The following LOC112694756 variants were observed in gnomAD, a reference collection of about 807,000 sequenced individuals.
chr16:30,069,702 T>G, the LOC112694756 span: 1 of 1,612,862 alleles, frequency 6.2e-7, no homozygotes, highest in Non-Finnish European at 8.5e-7. Context: ...TTGATCTCTA[T>G]GCAGTAGATA....
chr16:30,057,476 C>A, the LOC112694756 span, among the ~76,000 whole-genome samples: 1 of 152,112 alleles, frequency 6.6e-6, no homozygotes, highest in East Asian at 1.9e-4. Flanking sequence ...TAAATGTAAT[C>A]GACCACCGTC....
chr16:30,070,268 T>G, the LOC112694756 span: 1 of 1,564,742 alleles, frequency 6.4e-7, no homozygotes, highest in Non-Finnish European at 8.8e-7. Flanking sequence ...CTCCCACTCT[T>G]GAAGAGGAGG....
the LOC112694756 span, among the ~76,000 whole-genome samples, chr16:30,058,764 G>A: frequency 6.6e-6 from 1 of 152,152 alleles, no homozygotes. Flanking sequence ...TTACAGGCGT[G>A]AGCCACCACG....
the LOC112694756 span, chr16:30,066,961 T>C: frequency 9.7e-6 from 15 of 1,552,066 alleles, no homozygotes; most frequent in African/African-American, 1.8e-4. Context: ...GGCTATGGCC[T>C]TTTCCTTTCC....
the LOC112694756 span, among the ~76,000 whole-genome samples, chr16:30,066,471 T>TC: frequency 1.1e-4 from 16 of 152,246 alleles, no homozygotes; most frequent in Non-Finnish European, 2.4e-4. Context: ...CGCTTGCTCC[T>TC]CCACGTTCTT....
chr16:30,063,571 C>T, the LOC112694756 span, among the ~76,000 whole-genome samples: 1 of 152,200 alleles, frequency 6.6e-6, no homozygotes, highest in South Asian at 2.1e-4. Context: ...GATTTTTCAA[C>T]AGCACAGGGA....
At chr16:30,059,079 G>C in the LOC112694756 span, 1 of 398,430 alleles carries the variant, frequency 2.5e-6, no homozygotes. Context: ...GGAAAGCCAG[G>C]CATCTAGGCC....
At chr16:30,062,755 C>A in the LOC112694756 span, among the ~76,000 whole-genome samples, 2 of 151,630 alleles carry the variant, frequency 1.3e-5, no homozygotes, top group Non-Finnish European at 2.9e-5. Flanking sequence ...GCAGGAGAAC[C>A]GCTTGAATCC....
At chr16:30,069,203 C>T in the LOC112694756 span, 2 of 1,427,924 alleles carry the variant, frequency 1.4e-6, no homozygotes, top group Non-Finnish European at 9.8e-7. Flanking sequence ...AAGCCTGAGT[C>T]CCTGGCATCA....
the LOC112694756 span, among the ~76,000 whole-genome samples, chr16:30,058,397 G>A: frequency 1.3e-5 from 2 of 152,200 alleles, no homozygotes; most frequent in East Asian, 3.8e-4. Flanking sequence ...GAGGTTATAT[G>A]GCTGGATCAG....
the LOC112694756 span, chr16:30,055,290 A>T: frequency 2.5e-6 from 1 of 399,124 alleles, no homozygotes; most frequent in East Asian, 3.6e-5. Flanking sequence ...AGCCCGGCCC[A>T]CTTCCTGGAT....
the LOC112694756 span, chr16:30,070,275 GAGGCCGCCTC>G: frequency 6.5e-7 from 1 of 1,541,244 alleles, no homozygotes; most frequent in Non-Finnish European, 9.0e-7. Flanking sequence ...TCTTGAAGAG[GAGGCCGCCTC>G]CTCGGGGCTC....
the LOC112694756 span, among the ~76,000 whole-genome samples, chr16:30,061,649 T>C: frequency 7.5e-6 from 1 of 132,970 alleles, no homozygotes; most frequent in South Asian, 2.7e-4. Flanking sequence ...AACCTCTGCC[T>C]CCCAGGCTCA....
chr16:30,065,533 C>T, the LOC112694756 span: 1 of 152,436 alleles, frequency 6.6e-6, no homozygotes, highest in East Asian at 1.9e-4. Context: ...AAGGGAGGGC[C>T]CTAGCGACCC....
the LOC112694756 span, among the ~76,000 whole-genome samples, chr16:30,065,254 G>A: frequency 1.3e-5 from 2 of 152,194 alleles, no homozygotes; most frequent in Non-Finnish European, 2.9e-5. Flanking sequence ...CAGGGTGTCG[G>A]CTCCGCGCCG....
At chr16:30,069,866 A>AGGC in the LOC112694756 span, 1 of 1,614,030 alleles carries the variant, frequency 6.2e-7, no homozygotes. Context: ...AGTGAGGAGG[A>AGGC]GGCGTCCATC....
chr16:30,067,905 G>C, the LOC112694756 span: 1 of 567,008 alleles, frequency 1.8e-6, no homozygotes, highest in Admixed American at 3.0e-5. Context: ...AGAGTAAGTG[G>C]CAGAGCCCCA....
chr16:30,069,697 C>T, the LOC112694756 span: 5 of 1,612,884 alleles, frequency 3.1e-6, no homozygotes, highest in African/African-American at 4.0e-5. Flanking sequence ...TCATCTTGAT[C>T]TCTATGCAGT....
the LOC112694756 span, among the ~76,000 whole-genome samples, chr16:30,056,009 C>T: frequency 2.6e-5 from 4 of 151,882 alleles, no homozygotes; most frequent in East Asian, 5.8e-4. Flanking sequence ...TCATGTTGGC[C>T]AGGCTGGTCT....
Sources: allele counts gnomAD v4.1 joint callset (sites outside exome capture counted in the v4.1 genomes callset), GRCh38; gene constraint gnomAD v4.1.1; transcripts MANE v1.5.